ME1: variants seen among roughly 807,000 people sequenced by gnomAD.
The protein encoded by ME1 is NADP-dependent malic enzyme.
In ME1, 74 loss-of-function variants were observed where a neutral mutation model predicts 66.4. That is an observed-to-expected ratio of 1.11 (90% CI 0.92 to 1.35). The LOEUF is 1.35. Among genes scored for constraint, ME1 ranks in the 40% most tolerant of loss-of-function variants. The pLI is 0.00. For synonymous variants in ME1, 251 were observed against 235.6 expected (o/e 1.07, Z -0.60); for missense variants, 750 against 694.1 (o/e 1.08, Z -0.90).
chr6:83,334,204 C>A (rs980416392), intron 5 of ME1, among the ~76,000 whole-genome samples: 2 of 150,220 alleles, frequency 1.3e-5, no homozygotes, highest in Admixed American at 6.6e-5. Flanking sequence ...AAAGGGGTGA[C>A]GGACGCACCT....
chr6:83,357,729 T>C (rs575741620), intron 3 of ME1, among the ~76,000 whole-genome samples: 4 of 151,606 alleles, frequency 2.6e-5, no homozygotes, highest in South Asian at 2.1e-4. Flanking sequence ...AAAGAGAGGC[T>C]TGCCTAGCCT....
chr6:83,294,026 G>C (rs1298833602), intron 6 of ME1, among the ~76,000 whole-genome samples: 1 of 152,038 alleles, frequency 6.6e-6, no homozygotes, highest in Admixed American at 6.6e-5. Flanking sequence ...GGCTGAAGTT[G>C]GTATTATCCT....
At chr6:83,216,731 T>G in intron 12 of ME1, 135 bp from the exon 13 acceptor site, 1 of 563,242 alleles carries the variant, frequency 1.8e-6, no homozygotes, top group Non-Finnish European at 3.1e-6. Flanking sequence ...TTACCTAATT[T>G]CATCCCCACT....
In ME1 at chr6:83,324,744, C is replaced by T. The variant is rs1029294254; in HGVS notation, c.601-9331G>A. Among the ~76,000 whole-genome samples the T allele has an allele frequency of 1.1e-4, 16 of 141,586 alleles. 1 individual carries two copies. Among genetic ancestry groups the T allele is most frequent in the Admixed American group, 1.0e-3 (15 of 14,298 alleles). The allele number at this position is 141,586 out of a possible 152,430, so 92.9% of individuals were successfully genotyped here. A position where few individuals can be genotyped will look rare whatever the true frequency, so the allele number is the denominator to read the frequency against. The stretch of plus-strand genomic sequence containing the variant: ...AAAAAAAAAAAAAAAAAAAAAAGCC[C>T]AGGACGAGATGGATTCACAGCCGTA... On this transcript the variant is annotated intron_variant, in intron 5 of 13. Coordinates refer to ENST00000369705, the MANE Select transcript of ME1 (RefSeq NM_002395.6).
intron 5 of ME1, among the ~76,000 whole-genome samples, chr6:83,341,997 A>G (rs1768594351): frequency 6.6e-6 from 1 of 152,164 alleles, no homozygotes; most frequent in African/African-American, 2.4e-5. Context: ...ACAGAAGGGC[A>G]GCTTTGTAAC....
chr6:83,221,789 T>A (rs1428019241), intron 12 of ME1, among the ~76,000 whole-genome samples: 2 of 151,774 alleles, frequency 1.3e-5, no homozygotes, highest in Non-Finnish European at 2.9e-5. Context: ...AAATGAATGC[T>A]AGAAAAAAAA....
chr6:83,419,114 T>C (rs751937997), intron 1 of ME1, among the ~76,000 whole-genome samples: 2 of 139,064 alleles, frequency 1.4e-5, no homozygotes, highest in Non-Finnish European at 3.1e-5. Context: ...GGTAAGAAGT[T>C]TCAAACATTA....
intron 9 of ME1, among the ~76,000 whole-genome samples, chr6:83,237,280 G>GAAAGAAAGAAAGAAAGA (rs1562455285): frequency 5.5e-4 from 12 of 21,626 alleles, no homozygotes; most frequent in African/African-American, 1.4e-3. Context: ...AGAAAGAAAG[G>GAAAGAAAGAAAGAAAGA]AAGGAAGGAA....
chr6:83,396,995 G>A (rs745387223), intron 3 of ME1, among the ~76,000 whole-genome samples: 1 of 151,942 alleles, frequency 6.6e-6, no homozygotes, highest in Non-Finnish European at 1.5e-5. Flanking sequence ...CAACTCAATA[G>A]GTAAAGAAAA....
chr6:83,365,186 G>A (rs796962560), intron 3 of ME1, among the ~76,000 whole-genome samples: 6 of 152,218 alleles, frequency 3.9e-5, no homozygotes, highest in African/African-American at 1.4e-4. Flanking sequence ...TCCACCTCCC[G>A]GGTTCAACCA....
rs796624554 is a variant in ME1, at chr6:83,334,312, C to T, written c.600+11861G>A. 5.1e-3 allele frequency among the ~76,000 whole-genome samples: 637 copies of T among 124,340 alleles called. 7 individuals are homozygous for T. The highest frequency in any genetic ancestry group is 0.019 in the African/African-American group (607 of 32,216). 81.6% of individuals were successfully genotyped at this position (124,340 alleles called of 152,430 possible). A position where few individuals can be genotyped will look rare whatever the true frequency, so the allele number is the denominator to read the frequency against. On this transcript the variant is annotated intron_variant, in intron 5 of 13. Coordinates refer to ENST00000369705, the MANE Select transcript of ME1 (RefSeq NM_002395.6). The stretch of plus-strand genomic sequence containing the variant: ...ATATCCCACACCTGGCTCAGAGGGT[C>T]CTACGCCCACGGAATCTCGCTGATT...
rs537341347 is a variant in ME1 at position 83,325,289 on chromosome 6, C to G, written c.601-9876G>C. On this transcript the variant is annotated intron_variant, in intron 5 of 13. Coordinates refer to ENST00000369705, the MANE Select transcript of ME1 (RefSeq NM_002395.6). ...AATGGACAAAAGCTGGAAGCATTCCCTTTCAAAACTGGCACAAGACAAGGA... is the reference window on the plus strand; with the variant it reads ...AATGGACAAAAGCTGGAAGCATTCCGTTTCAAAACTGGCACAAGACAAGGA... 5.8e-4 allele frequency among the ~76,000 whole-genome samples: 88 copies of G among 152,314 alleles called. 1 individual carries two copies. The highest frequency in any genetic ancestry group is 3.9e-3 in the South Asian group (19 of 4,822).
At chr6:83,316,699 G>GA (rs1185199052) in intron 5 of ME1, among the ~76,000 whole-genome samples, 5 of 151,230 alleles carry the variant, frequency 3.3e-5, no homozygotes, top group African/African-American at 4.8e-5. Context: ...AATCCCAGTA[G>GA]AAAAAAATAC....
intron 6 of ME1, among the ~76,000 whole-genome samples, chr6:83,278,998 T>C (rs1767241197): frequency 6.6e-6 from 1 of 151,912 alleles, no homozygotes; most frequent in African/African-American, 2.4e-5. Flanking sequence ...AAACAACCCC[T>C]TCCCCCCCAA....
chr6:83,315,769 C>T (rs1215539524), intron 5 of ME1, among the ~76,000 whole-genome samples: 1 of 152,020 alleles, frequency 6.6e-6, no homozygotes, highest in Non-Finnish European at 1.5e-5. Flanking sequence ...TGGTGGTGTG[C>T]ATCTGTAGTC....
chr6:83,287,553 T>C (rs1473333984), intron 6 of ME1, among the ~76,000 whole-genome samples: 1 of 152,228 alleles, frequency 6.6e-6, no homozygotes, highest in Non-Finnish European at 1.5e-5. Context: ...CAGTCTATCA[T>C]TGATGGACAT....
intron 6 of ME1, among the ~76,000 whole-genome samples, chr6:83,280,237 C>T (rs1289784534): frequency 6.6e-6 from 1 of 151,988 alleles, no homozygotes; most frequent in East Asian, 1.9e-4. Flanking sequence ...TCTCAACTGA[C>T]CTAACAACCA....
intron 6 of ME1, among the ~76,000 whole-genome samples, chr6:83,269,375 C>T (rs1336754611): frequency 1.3e-5 from 2 of 152,136 alleles, no homozygotes; most frequent in East Asian, 3.9e-4. Flanking sequence ...TCTTGGGAGG[C>T]TTTGATTATA....
At chr6:83,388,501 A>G (rs754910450) in intron 3 of ME1, among the ~76,000 whole-genome samples, 7 of 152,162 alleles carry the variant, frequency 4.6e-5, no homozygotes, top group Non-Finnish European at 1.0e-4. Context: ...AGTAACAATA[A>G]CCACCATTTG....
Sources: allele counts gnomAD v4.1 joint callset (sites outside exome capture counted in the v4.1 genomes callset), GRCh38; gene constraint gnomAD v4.1.1; transcripts MANE v1.5; gene names NCBI Gene and HGNC (gene_info 2026-07-23, HGNC 2026-07-21).